Variants in DCC observed in about 807,000 individuals in gnomAD.
DCC encodes the protein netrin receptor DCC.
In DCC, 58 loss-of-function variants were observed where a neutral mutation model predicts 172.5. The observed-to-expected ratio is 0.34, with a 90% CI of 0.27 to 0.42. DCC has a LOEUF of 0.42. DCC is among the 10% of genes least tolerant of loss of function. The pLI is 1.00. For synonymous variants in DCC, 709 were observed against 644.5 expected (o/e 1.10, Z -1.52); for missense variants, 1,740 against 1,791.0 (o/e 0.97, Z 0.51).
At chr18:52,780,512 TTA>T (rs1201084325) in intron 2 of DCC, among the ~76,000 whole-genome samples, 1 of 152,192 alleles carries the variant, frequency 6.6e-6, no homozygotes, top group Non-Finnish European at 1.5e-5. Flanking sequence ...AATCTAAGTT[TTA>T]TATGACACAG....
Position 53,197,712 on chromosome 18 carries a change from AT to A in DCC, c.1574-7502del, listed in dbSNP as rs1445643077. Among the ~76,000 whole-genome samples, 42 of 151,404 alleles carry A rather than the reference AT, an allele frequency of 2.8e-4. No individual in the cohort carries two copies. In the East Asian group the frequency reaches 9.3e-3, roughly 34 times the overall value. On this transcript the variant is annotated intron_variant, in intron 9 of 28. Coordinates refer to ENST00000442544, the MANE Select transcript of DCC (RefSeq NM_005215.4). ...TCAGATTCTTTTTTGAAAAGGATTAATTAAGTTCCCAAGATTTTTAAAGAAA... is the reference window on the plus strand; with the variant it reads ...TCAGATTCTTTTTTGAAAAGGATTAATAAGTTCCCAAGATTTTTAAAGAAA...
intron 12 of DCC, among the ~76,000 whole-genome samples, chr18:53,224,034 A>G (rs1270726115): frequency 1.3e-5 from 2 of 152,224 alleles, no homozygotes; most frequent in Non-Finnish European, 1.5e-5. Flanking sequence ...TGGAAAGGCT[A>G]TAACAAAAGC....
At chr18:53,203,202 TGTGTGTGTGTG>T (rs775018420) in intron 9 of DCC, among the ~76,000 whole-genome samples, 5 of 90,034 alleles carry the variant, frequency 5.6e-5, no homozygotes, top group African/African-American at 1.3e-4. Context: ...TAGATTCTCT[TGTGTGTGTGTG>T]TGTGTGTGTG....
intron 1 of DCC, among the ~76,000 whole-genome samples, chr18:52,582,731 G>T (rs2033580731): frequency 6.6e-6 from 1 of 152,170 alleles, no homozygotes. Context: ...TTCGTGTAAA[G>T]TTCCTCAAAT....
At chr18:53,339,065 A>G (rs1463169032) in intron 14 of DCC, among the ~76,000 whole-genome samples, 2 of 152,248 alleles carry the variant, frequency 1.3e-5, no homozygotes, top group Non-Finnish European at 1.5e-5. Context: ...AAATAATTTC[A>G]TGAGGACACA....
intron 21 of DCC, among the ~76,000 whole-genome samples, chr18:53,426,223 A>G (rs571875152): frequency 6.8e-6 from 1 of 147,288 alleles, no homozygotes; most frequent in African/African-American, 2.5e-5. Context: ...CTTAAAATAT[A>G]TATGTATGTG....
At chr18:52,720,143 G>A (rs1017567758) in intron 1 of DCC, among the ~76,000 whole-genome samples, 2 of 152,124 alleles carry the variant, frequency 1.3e-5, no homozygotes, top group Non-Finnish European at 2.9e-5. Context: ...ACATATTCCT[G>A]CTACTGCAGC....
At chr18:52,488,303 A>G (rs1459197225) in intron 1 of DCC, among the ~76,000 whole-genome samples, 1 of 152,148 alleles carries the variant, frequency 6.6e-6, no homozygotes, top group Non-Finnish European at 1.5e-5. Flanking sequence ...TTGATTAAAT[A>G]CAATTTAATT....
chr18:53,236,785 T>C (rs529651174), intron 12 of DCC, among the ~76,000 whole-genome samples: 83 of 152,220 alleles, frequency 5.5e-4, no homozygotes, highest in Middle Eastern at 3.4e-3. Flanking sequence ...GTTATTTATA[T>C]AGGTATCCAG....
At chr18:52,954,373 A>G (rs945503887) in intron 5 of DCC, among the ~76,000 whole-genome samples, 3 of 152,134 alleles carry the variant, frequency 2.0e-5, no homozygotes, top group African/African-American at 7.2e-5. Context: ...TACCAGCTTT[A>G]TGTAATTTGT....
At chr18:52,894,792 T>G (rs2039704754) in intron 2 of DCC, among the ~76,000 whole-genome samples, 1 of 152,134 alleles carries the variant, frequency 6.6e-6, no homozygotes, top group Non-Finnish European at 1.5e-5. Context: ...TTATTCTGCT[T>G]CTTGTTCTAT....
intron 2 of DCC, among the ~76,000 whole-genome samples, chr18:52,789,626 G>C (rs1350134344): frequency 6.6e-6 from 1 of 152,154 alleles, no homozygotes. Flanking sequence ...ACAAGCCTGA[G>C]TTAGTTTGTG....
intron 13 of DCC, among the ~76,000 whole-genome samples, chr18:53,318,792 C>A (rs1599020002): frequency 1.4e-5 from 2 of 139,606 alleles, no homozygotes; most frequent in Non-Finnish European, 3.1e-5. Context: ...AGAAAAGCAA[C>A]CCCAAGATAC....
intron 2 of DCC, among the ~76,000 whole-genome samples, chr18:52,766,804 T>A (rs575106281): frequency 6.6e-6 from 1 of 152,102 alleles, no homozygotes; most frequent in Non-Finnish European, 1.5e-5. Flanking sequence ...AGTTCTCCTT[T>A]TAGGTGGTGA....
At chr18:52,679,033 T>C (rs1044031158) in intron 1 of DCC, among the ~76,000 whole-genome samples, 5 of 152,072 alleles carry the variant, frequency 3.3e-5, no homozygotes, top group South Asian at 4.1e-4. Flanking sequence ...AAAAGCTATA[T>C]TGACCTAGGA....
At chr18:53,258,901 G>A (rs191420250) in intron 12 of DCC, among the ~76,000 whole-genome samples, 38 of 152,244 alleles carry the variant, frequency 2.5e-4, no homozygotes, top group Non-Finnish European at 5.3e-4. Flanking sequence ...TCCTGTATTG[G>A]GTGCATATAT....
chr18:52,936,472 T>G (rs1251649404), intron 5 of DCC, among the ~76,000 whole-genome samples: 2 of 121,764 alleles, frequency 1.6e-5, no homozygotes, highest in Non-Finnish European at 1.9e-5. Flanking sequence ...TCCCTTCCAC[T>G]GGAGAAAATA....
At chr18:52,581,210 A>ATCTATCTATCTATCT (rs2033543078) in intron 1 of DCC, among the ~76,000 whole-genome samples, 2 of 3,754 alleles carry the variant, frequency 5.3e-4, no homozygotes, top group African/African-American at 6.7e-4. Flanking sequence ...TATCTATCTA[A>ATCTATCTATCTATCT]ATTTGTAGTT....
intron 3 of DCC, among the ~76,000 whole-genome samples, chr18:52,912,384 G>A (rs1260284478): frequency 1.3e-5 from 2 of 151,780 alleles, no homozygotes; most frequent in East Asian, 3.9e-4. Context: ...TAATTTCTCT[G>A]GTAATAAATT....
Sources: gnomAD v4.1 joint callset for allele counts (sites outside exome capture counted in the v4.1 genomes callset) on GRCh38, gnomAD v4.1.1 for gene constraint, MANE v1.5 for transcripts, NCBI Gene and HGNC (gene_info 2026-07-23, HGNC 2026-07-21) for gene names.